The following CHMP6 variants were observed in gnomAD, a reference collection of about 807,000 sequenced individuals.
CHMP6 encodes chromatin-modifying protein 6.
A neutral mutation model predicts 32.8 loss-of-function variants in CHMP6; 10 were observed. The observed-to-expected ratio is 0.30, with a 90% CI of 0.19 to 0.52. The LOEUF is 0.52. CHMP6 is among the 20% of genes least tolerant of loss of function. The probability of loss-of-function intolerance (pLI) is 0.97; values close to 1 mark genes in which losing one functional copy is unlikely to be tolerated. For synonymous variants in CHMP6, 123 were observed against 105.8 expected (o/e 1.16, Z -1.00); for missense variants, 269 against 263.8 (o/e 1.02, Z -0.14).
Position 80,996,806 on chromosome 17 carries a change from T to C in CHMP6, c.349-201T>C, listed in dbSNP as rs536945324. 6.6e-5 allele frequency among the ~76,000 whole-genome samples: 10 copies of C among 152,316 alleles called. No individual in the cohort carries two copies. The East Asian group carries it at 1.9e-3, about 29-fold the overall frequency. On this transcript the variant is annotated intron_variant, in intron 4 of 7. Transcript: ENST00000325167. ...TTTAAACAGGGACAGGAGCTGGGTG[T>C]GGTGGCATGCACCTGTAGTCCCAGC... is the stretch of plus-strand genomic sequence containing the variant.
intron 1 of CHMP6, among the ~76,000 whole-genome samples, chr17:80,993,393 C>T (rs1341192629): frequency 6.6e-6 from 1 of 152,216 alleles, no homozygotes; most frequent in Non-Finnish European, 1.5e-5. Flanking sequence ...TGGGTCTCCC[C>T]AGCAGTGGGG....
intron 3 of CHMP6, among the ~76,000 whole-genome samples, 154 bp downstream of exon 3, chr17:80,995,260 C>T (rs1019339381): frequency 2.0e-5 from 3 of 152,100 alleles, no homozygotes; most frequent in South Asian, 4.1e-4. Context: ...CCTGGAATCC[C>T]GGGGAGTCTG....
chr17:80,992,118 GC>G, intron 1 of CHMP6, 137 bp downstream of exon 1: 2 of 527,780 alleles, frequency 3.8e-6, no homozygotes, highest in Non-Finnish European at 5.5e-6. Context: ...GCGCAGCCGG[GC>G]CCCTCGGTCT....
chr17:80,995,967 C>T (rs1023448987), intron 4 of CHMP6, among the ~76,000 whole-genome samples: 3 of 151,904 alleles, frequency 2.0e-5, no homozygotes, highest in Non-Finnish European at 1.5e-5. Context: ...GGTCCCCAGG[C>T]GCCGAAGTGA....
At position 80,999,158 on chromosome 17, in the gene CHMP6, G is replaced by C; in HGVS notation, c.*5G>C. On this transcript the variant is annotated 3_prime_UTR_variant, in exon 8 of 8. Coordinates refer to ENST00000325167, the MANE Select transcript of CHMP6 (RefSeq NM_024591.5). ...GAGCTGGTGGCAGCTTCGTAACGTGGCCTCGTCTTGTGGGACTCACGGGGA... is the reference window on the plus strand; with the variant it reads ...GAGCTGGTGGCAGCTTCGTAACGTGCCCTCGTCTTGTGGGACTCACGGGGA... 2 of 1,613,956 alleles carry C rather than the reference G, an allele frequency of 1.2e-6. No individual in the cohort carries two copies. Among genetic ancestry groups the C allele is most frequent in the Non-Finnish European group, 1.7e-6 (2 of 1,179,922 alleles).
chr17:80,992,895 A>G (rs1013839404), intron 1 of CHMP6, among the ~76,000 whole-genome samples: 2 of 152,256 alleles, frequency 1.3e-5, no homozygotes, highest in African/African-American at 2.4e-5. Context: ...TTATACTAAA[A>G]GAGAAGCGAA....
At chr17:80,998,230 T>A (rs1193665309) in intron 6 of CHMP6, 136 bp from the exon 7 acceptor site, 3 of 988,788 alleles carry the variant, frequency 3.0e-6, no homozygotes, top group Admixed American at 4.4e-5. Context: ...TTGGGTCTTC[T>A]GAGCAGCACG....
chr17:80,995,121 G>A lies in CHMP6; in HGVS notation c.261+15G>A, dbSNP rs1235094519. On this transcript the variant is annotated intron_variant, in intron 3 of 7. Coordinates refer to ENST00000325167, the MANE Select transcript of CHMP6 (RefSeq NM_024591.5). ...TGGAGGCCATGGTAGGCGGCCGGGT[G>A]CTTCGCCCTGGAGTGCAGGTGCAGC... 1 of 1,589,524 alleles carries A rather than the reference G, an allele frequency of 6.3e-7. No homozygotes were observed. Among genetic ancestry groups the A allele is most frequent in the Non-Finnish European group, 8.5e-7 (1 of 1,170,244 alleles).
chr17:80,992,310 C>T (rs926780723), intron 1 of CHMP6, among the ~76,000 whole-genome samples: 46 of 152,012 alleles, frequency 3.0e-4, no homozygotes, highest in Non-Finnish European at 5.6e-4. Context: ...CCTGGCGGCC[C>T]GTCCGTGGGG....
rs774815678 is a variant in CHMP6, at chr17:80,994,575, T to C, written c.64-6T>C. 30 of 1,560,844 alleles carry C rather than the reference T, an allele frequency of 1.9e-5. No homozygotes were observed. Among genetic ancestry groups the C allele is most frequent in the Non-Finnish European group, 1.2e-5 (14 of 1,154,612 alleles). On this transcript the variant is annotated splice_polypyrimidine_tract_variant and splice_region_variant and intron_variant, in intron 1 of 7. Coordinates refer to ENST00000325167, the MANE Select transcript of CHMP6 (RefSeq NM_024591.5). The stretch of plus-strand genomic sequence containing the variant: ...CGGTGACGCCAGGCCCTCTCTCTCT[T>C]GGCAGCAACTGAAGCAGCAGCGGGA...
chr17:80,995,796 G>A (rs764838331), intron 4 of CHMP6, 38 bp downstream of exon 4: 77 of 1,586,996 alleles, frequency 4.9e-5, no homozygotes, highest in Non-Finnish European at 6.6e-5. Flanking sequence ...GAGGTGTGGG[G>A]AGCCCATTGG....
rs1398478812 is a variant in CHMP6, at chr17:80,999,343, A to G, written c.*190A>G. 1.2e-5 allele frequency: 7 copies of G among 585,028 alleles called. No individual in the cohort carries two copies. In the Admixed American group the frequency reaches 1.5e-4, roughly 12 times the overall value. The allele number at this position is 585,028 out of a possible 1,614,324, so 36.2% of individuals were successfully genotyped here. On this transcript the variant is annotated 3_prime_UTR_variant, in exon 8 of 8. Transcript: ENST00000325167. ...TCCTGGAGACCTTGAGCCTGAACGC[A>G]CTCAGGCGCCACTGGCCTGCTCTCA...
At chr17:80,996,259 C>T (rs1169643854) in intron 4 of CHMP6, among the ~76,000 whole-genome samples, 2 of 151,238 alleles carry the variant, frequency 1.3e-5, no homozygotes, top group Non-Finnish European at 2.9e-5. Context: ...GCAGAGGTTG[C>T]AGTGAGATGA....
At chr17:80,992,647 G>A (rs1001603946) in intron 1 of CHMP6, among the ~76,000 whole-genome samples, 3 of 152,164 alleles carry the variant, frequency 2.0e-5, no homozygotes, top group African/African-American at 7.2e-5. Flanking sequence ...TTTGTTTGCG[G>A]CGACTCCAGA....
chr17:80,991,897 C>G lies in CHMP6; in HGVS notation c.-22C>G, dbSNP rs1041941103. ...GGTGGCGATTGGACTTGGTGGGTCC[C>G]GGGCCAGGGGCGGGCGCCGCCATGG... On this transcript the variant is annotated 5_prime_UTR_variant, in exon 1 of 8. Coordinates refer to ENST00000325167, the MANE Select transcript of CHMP6 (RefSeq NM_024591.5). 6.9e-7 allele frequency: 1 copy of G among 1,442,926 alleles called. No homozygotes were observed. The highest frequency in any genetic ancestry group is 9.2e-7 in the Non-Finnish European group (1 of 1,089,512). 89.4% of individuals were successfully genotyped at this position (1,442,926 alleles called of 1,614,324 possible).
At chr17:80,992,038 C>A (rs1407094635) in intron 1 of CHMP6, 57 bp downstream of exon 1, 2 of 1,232,522 alleles carry the variant, frequency 1.6e-6, no homozygotes, top group Non-Finnish European at 1.0e-6. Flanking sequence ...GGGGCCGGGG[C>A]GGGCGGCGGG....
chr17:80,992,694 C>T (rs985860986), intron 1 of CHMP6, among the ~76,000 whole-genome samples: 1 of 152,194 alleles, frequency 6.6e-6, no homozygotes, highest in African/African-American at 2.4e-5. Context: ...GGTGGTGGTG[C>T]CTTTTCCCAT....
chr17:80,998,217 G>A (rs2069655607), intron 6 of CHMP6, 149 bp from the exon 7 acceptor site: 2 of 837,566 alleles, frequency 2.4e-6, no homozygotes, highest in Non-Finnish European at 3.8e-6. Context: ...GGCGGTTGCA[G>A]ACTTGGGTCT....
At position 80,992,112 on chromosome 17, in the gene CHMP6, A is replaced by C. The variant is rs571650719; in HGVS notation, c.63+131A>C. ...ATGGGGAAACTGAGGCGCAGCGCGC[A>C]GCCGGGCCCCTCGGTCTCTCCGCCC... On this transcript the variant is annotated intron_variant, in intron 1 of 7. Transcript: ENST00000325167. 6.1e-4 allele frequency: 340 copies of C among 558,838 alleles called. 5 individuals carry two copies. In the African/African-American group the frequency reaches 6.3e-3, roughly 10 times the overall value. 34.6% of individuals were successfully genotyped at this position (558,838 alleles called of 1,614,324 possible). A position where few individuals can be genotyped will look rare whatever the true frequency, so the allele number is the denominator to read the frequency against.
Sources: gnomAD v4.1 joint callset for allele counts (sites outside exome capture counted in the v4.1 genomes callset) on GRCh38, gnomAD v4.1.1 for gene constraint, MANE v1.5 for transcripts, NCBI Gene and HGNC (gene_info 2026-07-23, HGNC 2026-07-21) for gene names.